The following MYLK variants were observed in gnomAD, a reference collection of about 807,000 sequenced individuals.
The protein encoded by MYLK is myosin light chain kinase, also known as myosin light chain kinase, smooth muscle.
Under a neutral mutation model 203.4 loss-of-function variants are expected in MYLK, and 106 were observed. The observed-to-expected ratio is 0.52, with a 90% CI of 0.45 to 0.61. MYLK has a LOEUF of 0.61. MYLK is among the 20% of genes least tolerant of loss of function. The pLI, the probability that MYLK is intolerant of heterozygous loss-of-function variation, is 0.00. For synonymous variants in MYLK, 867 were observed against 959.5 expected (o/e 0.90, Z 1.78); for missense variants, 2,072 against 2,442.3 (o/e 0.85, Z 3.20).
intron 13 of MYLK, among the ~76,000 whole-genome samples, chr3:123,713,437 A>G (rs1360635002): frequency 6.6e-6 from 1 of 152,174 alleles, no homozygotes; most frequent in African/African-American, 2.4e-5. Flanking sequence ...GCGTCCCTTC[A>G]AAGGGAACCA....
intron 4 of MYLK, among the ~76,000 whole-genome samples, chr3:123,780,140 A>C (rs1280242241): frequency 2.6e-5 from 4 of 152,164 alleles, no homozygotes; most frequent in African/African-American, 9.7e-5. Flanking sequence ...CTTGTTTAAA[A>C]TTTATTTTTA....
At chr3:123,625,338 T>C (rs1451702844) in intron 31 of MYLK, 1 of 152,174 alleles carries the variant, frequency 6.6e-6, no homozygotes, top group East Asian at 1.9e-4. Flanking sequence ...CAGTTCCCCA[T>C]TGCACTACGT....
chr3:123,866,291 G>A (rs1490975062), intron 2 of MYLK, among the ~76,000 whole-genome samples: 1 of 152,172 alleles, frequency 6.6e-6, no homozygotes, highest in Non-Finnish European at 1.5e-5. Context: ...TCTTGGCTAG[G>A]GGGCTGGAGC....
At chr3:123,761,289 G>T (rs2063525767) in intron 4 of MYLK, among the ~76,000 whole-genome samples, 1 of 152,210 alleles carries the variant, frequency 6.6e-6, no homozygotes, top group Admixed American at 6.5e-5. Context: ...AACACCCTGA[G>T]AACATCATGA....
At chr3:123,668,132 A>C (rs1462480534) in intron 20 of MYLK, among the ~76,000 whole-genome samples, 1 of 152,204 alleles carries the variant, frequency 6.6e-6, no homozygotes, top group Non-Finnish European at 1.5e-5. Context: ...AAACATCTTG[A>C]GCTGTCTTCA....
At chr3:123,840,826 AT>A (rs1222355907) in intron 2 of MYLK, among the ~76,000 whole-genome samples, 2 of 152,236 alleles carry the variant, frequency 1.3e-5, no homozygotes, top group East Asian at 3.9e-4. Context: ...TTATTTAGAT[AT>A]TTAAAAATCA....
rs368885798 is a variant in MYLK at position 123,794,721 on chromosome 3, C to T, written c.-3-877G>A. ...AGTAACAGACGACTACTCATTAGAG[C>T]GATCGTCAACTCTTTTGTGATATTT... On this transcript the variant is annotated intron_variant, in intron 3 of 33. Transcript: ENST00000360304. 1.2e-4 allele frequency among the ~76,000 whole-genome samples: 19 copies of T among 152,274 alleles called. No homozygotes were observed. In the East Asian group the frequency reaches 2.3e-3, roughly 19 times the overall value.
chr3:123,623,012 A>G (rs2057953143), intron 31 of MYLK: 1 of 152,188 alleles, frequency 6.6e-6, no homozygotes, highest in Non-Finnish European at 1.5e-5. Flanking sequence ...TGCCCCTTGG[A>G]GAGCTTGTGG....
At chr3:123,717,879 A>G (rs1448886827) in intron 13 of MYLK, among the ~76,000 whole-genome samples, 2 of 116,966 alleles carry the variant, frequency 1.7e-5, no homozygotes, top group Admixed American at 1.2e-4. Flanking sequence ...TTTTTGAGAC[A>G]GGGTCTTGCT....
At chr3:123,622,705 A>T (rs1057418228) in intron 31 of MYLK, 4 of 152,376 alleles carry the variant, frequency 2.6e-5, no homozygotes, top group Non-Finnish European at 5.9e-5. Context: ...TTTCTAAAAC[A>T]TAGAAAAATA....
intron 11 of MYLK, among the ~76,000 whole-genome samples, chr3:123,728,575 AAAC>A (rs932400708): frequency 3.4e-5 from 5 of 147,896 alleles, no homozygotes; most frequent in East Asian, 1.9e-4. Flanking sequence ...CCACCCTCCC[AAAC>A]AACAAACAAC....
chr3:123,876,368 T>G (rs563321339), intron 2 of MYLK, among the ~76,000 whole-genome samples, 191 bp downstream of exon 2: 7 of 152,246 alleles, frequency 4.6e-5, no homozygotes, highest in Admixed American at 3.3e-4. Context: ...TCTTTATATT[T>G]TGATTATAAT....
At position 123,629,159 on chromosome 3, in the gene MYLK, G is replaced by T. The variant is rs1191208608; in HGVS notation, c.5114+315C>A. Among the ~76,000 whole-genome samples, 4 of 152,140 alleles carry T rather than the reference G, an allele frequency of 2.6e-5. No homozygotes were observed. Among genetic ancestry groups the T allele is most frequent in the Non-Finnish European group, 5.9e-5 (4 of 68,018 alleles). ...ACAACTGTACCCAGAAAATAAGAAG[G>T]GTGGTCATTATTCACACAGAACAGC... On this transcript the variant is annotated intron_variant, in intron 30 of 33. Coordinates refer to ENST00000360304, the MANE Select transcript of MYLK (RefSeq NM_053025.4). The surrounding 1 kb of genome is among the most constrained non-coding windows in gnomAD (Gnocchi z 4.4).
In MYLK at chr3:123,735,138, A is replaced by G. The variant is rs75103227; in HGVS notation, c.773+260T>C. ...AGTGTTCTTCCTCAGGATGCTAACC[A>G]GAGAAGAGACTGTGTAGATACTGTG... On this transcript the variant is annotated intron_variant, in intron 9 of 33. Transcript: ENST00000360304. The G allele has an allele frequency of 2.1e-4, 108 of 510,554 alleles. No individual in the cohort carries two copies. The East Asian group carries it at 3.6e-3, about 17-fold the overall frequency. The allele number at this position is 510,554 out of a possible 1,614,324, so 31.6% of individuals were successfully genotyped here. A position where few individuals can be genotyped will look rare whatever the true frequency, so the allele number is the denominator to read the frequency against.
At chr3:123,855,178 C>T (rs1395130945) in intron 2 of MYLK, among the ~76,000 whole-genome samples, 1 of 152,100 alleles carries the variant, frequency 6.6e-6, no homozygotes, top group Non-Finnish European at 1.5e-5. Context: ...TTAAATATTG[C>T]TTCACTTCCA....
intron 3 of MYLK, chr3:123,831,314 A>G: frequency 8.2e-7 from 1 of 1,215,328 alleles, no homozygotes; most frequent in Non-Finnish European, 1.1e-6. Flanking sequence ...GATGATTTCC[A>G]CCACCTTCGC....
chr3:123,764,332 G>C (rs1465510773), intron 4 of MYLK, among the ~76,000 whole-genome samples: 1 of 152,166 alleles, frequency 6.6e-6, no homozygotes, highest in Non-Finnish European at 1.5e-5. Context: ...GCACAGATGG[G>C]ACCTGTCAAT....
chr3:123,645,852 AAGCAAAGT>A (rs1379874390), intron 27 of MYLK, among the ~76,000 whole-genome samples: 2 of 152,216 alleles, frequency 1.3e-5, no homozygotes, highest in African/African-American at 4.8e-5. Flanking sequence ...TTTGCTGAAA[AAGCAAAGT>A]AGGTTGGGTG....
chr3:123,812,545 A>C (rs989860635), intron 3 of MYLK, among the ~76,000 whole-genome samples: 1 of 152,208 alleles, frequency 6.6e-6, no homozygotes, highest in Non-Finnish European at 1.5e-5. Context: ...CTAGAGACTT[A>C]AAACAGTGTC....
Sources: allele counts gnomAD v4.1 joint callset (sites outside exome capture counted in the v4.1 genomes callset), GRCh38; gene constraint gnomAD v4.1.1; non-coding constraint Gnocchi (gnomAD v3.1); transcripts MANE v1.5; gene names NCBI Gene and HGNC (gene_info 2026-07-23, HGNC 2026-07-21).